Variants in MIB2 observed in about 807,000 individuals in gnomAD.
MIB2 encodes MIB E3 ubiquitin protein ligase 2, also known as E3 ubiquitin-protein ligase MIB2.
A neutral mutation model predicts 96.6 loss-of-function variants in MIB2; 78 were observed. That is an observed-to-expected ratio of 0.81 (90% CI 0.67 to 0.97). The LOEUF is 0.97. Ranked by LOEUF, MIB2 falls within the 50% of genes least tolerant of loss-of-function variation. The pLI, the probability that MIB2 is intolerant of heterozygous loss-of-function variation, is 0.00. For synonymous variants in MIB2, 820 were observed against 629.5 expected (o/e 1.30, Z -4.53); for missense variants, 1,543 against 1,424.0 (o/e 1.08, Z -1.35).
Position 1,623,987 on chromosome 1 carries a change from A to C in MIB2, c.419+42A>C, listed in dbSNP as rs777198203. ...ACCGGCTCCTGTGCGGCGGGTACCC[A>C]GGCCTTGCCACTGGGGCCTTGGCCT... On this transcript the variant is annotated intron_variant, in intron 4 of 19. Coordinates refer to ENST00000355826, the MANE Select transcript of MIB2 (RefSeq NM_001170687.4). 3 of 1,567,566 alleles carry C rather than the reference A, an allele frequency of 1.9e-6. No individual in the cohort carries two copies. The East Asian group carries it at 6.9e-5, about 36-fold the overall frequency.
At chr1:1,615,413 G>A (rs1341942433), upstream of MIB2, 5 of 1,463,914 alleles carry the variant, frequency 3.4e-6, no homozygotes, top group South Asian at 6.9e-5. Flanking sequence ...CCCGCGTGAC[G>A]CACTTCCGGT....
At position 1,629,554 on chromosome 1, in the gene MIB2, A is replaced by C; in HGVS notation, c.2551A>C (p.Thr851Pro). Residue 851 changes from threonine to proline, a missense_variant, in exon 18 of 20, where the codon ACC becomes CCC. Coordinates refer to ENST00000355826, the MANE Select transcript of MIB2 (RefSeq NM_001170687.4). The part of the protein sequence containing the change: ...LVLFSPCQHR[T>P]VCEECARRMK... ...GCTGTTCTCGCCGTGCCAGCACCGCACCGTGTGTGAGGGTGAGTGGGGGGC... is the reference window on the plus strand; with the variant it reads ...GCTGTTCTCGCCGTGCCAGCACCGCCCCGTGTGTGAGGGTGAGTGGGGGGC... 6.4e-7 allele frequency: 1 copy of C among 1,556,068 alleles called. No individual in the cohort carries two copies. The highest frequency in any genetic ancestry group is 1.4e-5 in the African/African-American group (1 of 73,078).
In MIB2 at chr1:1,627,331, A is replaced by C. The variant is rs1247926716; in HGVS notation, c.1410A>C (p.Gln470His). 3 of 1,613,150 alleles carry C rather than the reference A, an allele frequency of 1.9e-6. No homozygotes were observed. Among genetic ancestry groups the C allele is most frequent in the Non-Finnish European group, 2.5e-6 (3 of 1,179,960 alleles). ...DTKNQGRTAL[Q>H]VAAYLGQVEL... The stretch of plus-strand genomic sequence containing the variant: ...AGAACCAAGGCAGGACCGCTCTGCA[A>C]GTGGCTGCCTACCTGGGCCAGGTGG... The change falls in exon 12 of 20, where the codon CAA becomes CAC. Residue 470 changes from glutamine to histidine, a missense_variant. Coordinates refer to ENST00000355826, the MANE Select transcript of MIB2 (RefSeq NM_001170687.4).
Position 1,628,084 on chromosome 1 carries a change from C to G in MIB2, c.1746C>G (p.Val582=). The change falls in exon 14 of 20, where the codon GTC becomes GTG. Residue 582 remains valine (V), a synonymous_variant. Coordinates refer to ENST00000355826, the MANE Select transcript of MIB2 (RefSeq NM_001170687.4). ...CGGGCACTGGAGCCAGCGGCATTGT[C>G]GAGGTCCTCACGGAGGTGCCAAACA... The part of the protein sequence containing the change: ...ISAGTGASGI[V]EVLTEVPNID... 1 of 1,613,256 alleles carries G rather than the reference C, an allele frequency of 6.2e-7. No homozygotes were observed. The highest frequency in any genetic ancestry group is 1.6e-4 in the Middle Eastern group (1 of 6,062).
rs1569796436 is a variant in MIB2 at position 1,625,710 on chromosome 1, A to C, written c.972+57A>C. ...CTTGCTTCTGTAACCCCTTCCACGT[A>C]CCCCCTTGGCCTTGGGGGGTCAGGC... On this transcript the variant is annotated intron_variant, in intron 8 of 19. Coordinates refer to ENST00000355826, the MANE Select transcript of MIB2 (RefSeq NM_001170687.4). This position sits in a 1 kb window ranked among gnomAD's most constrained non-coding sequence, Gnocchi z 5.0. 1 of 1,433,120 alleles carries C rather than the reference A, an allele frequency of 7.0e-7. No individual in the cohort carries two copies. Among genetic ancestry groups the C allele is most frequent in the Admixed American group, 2.0e-5 (1 of 50,016 alleles). 88.8% of individuals were successfully genotyped at this position (1,433,120 alleles called of 1,614,324 possible).
At position 1,625,270 on chromosome 1, in the gene MIB2, C is replaced by T; in HGVS notation, c.722-16C>T. On this transcript the variant is annotated splice_polypyrimidine_tract_variant and intron_variant, in intron 6 of 19. Coordinates refer to ENST00000355826, the MANE Select transcript of MIB2 (RefSeq NM_001170687.4). The surrounding 1 kb of genome is among the most constrained non-coding windows in gnomAD (Gnocchi z 5.0). ...GAGGGGCCGCTGCCTGAGGCCTGGT[C>T]TGCCACCCTCCGCAGGCAAGCCGGC... 1 of 1,595,764 alleles carries T rather than the reference C, an allele frequency of 6.3e-7. No homozygotes were observed. The highest frequency in any genetic ancestry group is 1.1e-5 in the South Asian group (1 of 89,614).
upstream of MIB2, chr1:1,615,028 AG>A (rs1351044709): frequency 6.5e-6 from 1 of 154,258 alleles, no homozygotes. Context: ...AAAAAAAAAA[AG>A]AAAGAAAGAA....
Position 1,624,785 on chromosome 1 carries a change from C to T in MIB2, c.420-10C>T, listed in dbSNP as rs569275838. ...TCTTCTGAGAGCTTTATTTGTGAACCCTCTTGCAGTGTCACACTGAGTCCC... is the reference window on the plus strand; with the variant it reads ...TCTTCTGAGAGCTTTATTTGTGAACTCTCTTGCAGTGTCACACTGAGTCCC... On this transcript the variant is annotated splice_polypyrimidine_tract_variant and intron_variant, in intron 4 of 19. Coordinates refer to ENST00000355826, the MANE Select transcript of MIB2 (RefSeq NM_001170687.4). 6.2e-6 allele frequency: 10 copies of T among 1,610,422 alleles called. No individual in the cohort carries two copies. The highest frequency in any genetic ancestry group is 4.5e-5 in the East Asian group (2 of 44,864).
At position 1,628,367 on chromosome 1, in the gene MIB2, C is replaced by T. The variant is rs1221084689; in HGVS notation, c.1936C>T (p.His646Tyr). 6.2e-7 allele frequency: 1 copy of T among 1,612,598 alleles called. No homozygotes were observed. Among genetic ancestry groups the T allele is most frequent in the Non-Finnish European group, 8.5e-7 (1 of 1,179,926 alleles). ...GCTGCATCTGGCTGCCCTCAACAAC[C>T]ACCGCGAGGTGGCCCAGATCCTCAT... ...TALHLAALNN[H>Y]REVAQILIRE... The change falls in exon 15 of 20, where the codon CAC becomes TAC. Residue 646 changes from histidine to tyrosine, a missense_variant. His to Tyr is a moderately conservative substitution (Grantham distance 83). Coordinates refer to ENST00000355826, the MANE Select transcript of MIB2 (RefSeq NM_001170687.4).
At position 1,630,284 on chromosome 1, in the gene MIB2, C is replaced by T; in HGVS notation, c.2630-8C>T. 1 of 1,475,828 alleles carries T rather than the reference C, an allele frequency of 6.8e-7. No individual in the cohort carries two copies. The highest frequency in any genetic ancestry group is 2.1e-5 in the Admixed American group (1 of 47,016). The allele number at this position is 1,475,828 out of a possible 1,614,324, so 91.4% of individuals were successfully genotyped here. On this transcript the variant is annotated splice_region_variant and splice_polypyrimidine_tract_variant and intron_variant, in intron 19 of 19. Transcript: ENST00000355826. Reference sequence around the variant, plus strand: ...CCTCCCAGCTCACACCCGTCCCCCACCCCGCAGACGGCTCTGAGGTGGCGA... The same window carrying T: ...CCTCCCAGCTCACACCCGTCCCCCATCCCGCAGACGGCTCTGAGGTGGCGA...
In MIB2 at chr1:1,623,631, C is replaced by A; in HGVS notation, c.179C>A (p.Thr60Lys). The change falls in exon 3 of 20, where the codon ACG (threonine) becomes AAG (lysine). Residue 60 changes from threonine (T) to lysine (K), a missense_variant. By Grantham distance (78) the Thr-to-Lys change is moderately conservative. Transcript: ENST00000355826. Reference sequence around the variant, plus strand: ...GTGGTCGTGCAGTGGGACCAGGGCACGCGCACCAACTACCGCGCCGGCTAC... The same window carrying A: ...GTGGTCGTGCAGTGGGACCAGGGCAAGCGCACCAACTACCGCGCCGGCTAC... Reference protein sequence around the residue: ...RTVVVQWDQGTRTNYRAGYQG... With the variant: ...RTVVVQWDQGKRTNYRAGYQG... 1 of 1,480,570 alleles carries A rather than the reference C, an allele frequency of 6.8e-7. No homozygotes were observed. Among genetic ancestry groups the A allele is most frequent in the South Asian group, 1.3e-5 (1 of 74,558 alleles). 91.7% of individuals were successfully genotyped at this position (1,480,570 alleles called of 1,614,324 possible).
chr1:1,627,235 C>T, intron 11 of MIB2, 28 bp downstream of exon 11: 11 of 1,612,066 alleles, frequency 6.8e-6, no homozygotes, highest in Non-Finnish European at 9.3e-6. Flanking sequence ...TCCTCCCATA[C>T]TGGCCAGTCT....
In MIB2 at chr1:1,630,348, G is replaced by A. The variant is rs1392587104; in HGVS notation, c.2686G>A (p.Glu896Lys). The A allele has an allele frequency of 1.3e-6, 2 of 1,537,724 alleles. No individual in the cohort carries two copies. The highest frequency in any genetic ancestry group is 2.0e-5 in the Admixed American group (1 of 50,444). Reference sequence around the variant, plus strand: ...CCCCGGCCCGCCGCGCCAGCTGGTGGAGGAGCTGCAGAGCCGCTACCGGCA... The same window carrying A: ...CCCCGGCCCGCCGCGCCAGCTGGTGAAGGAGCTGCAGAGCCGCTACCGGCA... The part of the protein sequence containing the change: ...PAPGPPRQLV[E>K]ELQSRYRQME... The change falls in exon 20 of 20, where the codon GAG (glutamate) becomes AAG (lysine). Residue 896 changes from glutamate (E) to lysine (K), a missense_variant. Coordinates refer to ENST00000355826, the MANE Select transcript of MIB2 (RefSeq NM_001170687.4).
rs745553017 is a variant in MIB2 at position 1,628,679 on chromosome 1, A to G, written c.2159A>G (p.Asp720Gly). 1.3e-6 allele frequency: 2 copies of G among 1,578,890 alleles called. No homozygotes were observed. The highest frequency in any genetic ancestry group is 1.8e-5 in the Admixed American group (1 of 55,618). The change falls in exon 16 of 20, where the codon GAT becomes GGT. Residue 720 changes from aspartate (D) to glycine (G), a missense_variant. By Grantham distance (94) the Asp-to-Gly change is moderately conservative. Coordinates refer to ENST00000355826, the MANE Select transcript of MIB2 (RefSeq NM_001170687.4). ...QRHQLLPLVA[D>G]GAGGDPGPLQ... ...CATCAGCTGCTGCCCCTGGTGGCTG[A>G]TGGGGCCGGGGGGGACCCAGGGCCC... is the stretch of plus-strand genomic sequence containing the variant.
At position 1,625,252 on chromosome 1, in the gene MIB2, C is replaced by T. The variant is rs371600870; in HGVS notation, c.722-34C>T. 6.9e-6 allele frequency: 11 copies of T among 1,597,894 alleles called. No homozygotes were observed. Among genetic ancestry groups the T allele is most frequent in the South Asian group, 1.1e-5 (1 of 90,112 alleles). On this transcript the variant is annotated intron_variant, in intron 6 of 19. Coordinates refer to ENST00000355826, the MANE Select transcript of MIB2 (RefSeq NM_001170687.4). The surrounding 1 kb of genome is among the most constrained non-coding windows in gnomAD (Gnocchi z 5.0). Reference sequence around the variant, plus strand: ...GGCTGAAGTCCCAGAGGGGAGGGGCCGCTGCCTGAGGCCTGGTCTGCCACC... The same window carrying T: ...GGCTGAAGTCCCAGAGGGGAGGGGCTGCTGCCTGAGGCCTGGTCTGCCACC...
rs768202797 is a variant in MIB2 at position 1,623,817 on chromosome 1, C to T, written c.291C>T (p.His97=). The T allele has an allele frequency of 9.3e-6, 15 of 1,609,400 alleles. No homozygotes were observed. Among genetic ancestry groups the T allele is most frequent in the Middle Eastern group, 1.6e-4 (1 of 6,082 alleles). ...PNIICDCCKK[H]GLRGMRWKCR... ...TCATCTGTGACTGCTGCAAGAAGCA[C>T]GGGCTGCGGGGGATGCGCTGGAAGT... Residue 97 remains histidine, a synonymous_variant, in exon 4 of 20, where the codon CAC becomes CAT. Transcript: ENST00000355826.
In MIB2 at chr1:1,628,512, C is replaced by A; in HGVS notation, c.1992C>A (p.Arg664=). 6.2e-7 allele frequency: 1 copy of A among 1,600,524 alleles called. No homozygotes were observed. Among genetic ancestry groups the A allele is most frequent in the Non-Finnish European group, 8.5e-7 (1 of 1,178,240 alleles). ...IREGRCDVNV[R]NRKLQSPLHL... ...AGGGCCGCTGTGACGTGAACGTGCG[C>A]AACCGGAAGCTGCAGTCCCCGCTGC... Residue 664 remains arginine (R), a synonymous_variant, in exon 16 of 20, where the codon CGC becomes CGA. Transcript: ENST00000355826.
intron 16 of MIB2, 71 bp from the exon 17 acceptor site, chr1:1,629,062 A>C: frequency 7.4e-7 from 1 of 1,348,990 alleles, no homozygotes; most frequent in East Asian, 3.0e-5. Context: ...TGGGGCTGCC[A>C]GGTGCCAGGA....
In MIB2 at chr1:1,627,220, C is replaced by T; in HGVS notation, c.1374+13C>T. ...GCGCCCAGAGCAGGCAAGCTCCTGACCCCGTCCTCCCATACTGGCCAGTCT... is the reference window on the plus strand; with the variant it reads ...GCGCCCAGAGCAGGCAAGCTCCTGATCCCGTCCTCCCATACTGGCCAGTCT... On this transcript the variant is annotated intron_variant, in intron 11 of 19. Coordinates refer to ENST00000355826, the MANE Select transcript of MIB2 (RefSeq NM_001170687.4). 2 of 1,609,554 alleles carry T rather than the reference C, an allele frequency of 1.2e-6. No homozygotes were observed. Among genetic ancestry groups the T allele is most frequent in the Non-Finnish European group, 1.7e-6 (2 of 1,178,322 alleles).
Sources: allele counts gnomAD v4.1 joint callset, GRCh38; gene constraint gnomAD v4.1.1; non-coding constraint Gnocchi (gnomAD v3.1); transcripts MANE v1.5; gene names NCBI Gene and HGNC (gene_info 2026-07-23, HGNC 2026-07-21).